Variants in AKAP13 observed in about 807,000 individuals in gnomAD.
AKAP13 encodes A-kinase anchoring protein 13, also known as A-kinase anchor protein 13.
A neutral mutation model predicts 264.5 loss-of-function variants in AKAP13; 80 were observed. The observed-to-expected ratio is 0.30, with a 90% confidence interval of 0.25 to 0.36. The LOEUF is 0.36. AKAP13 is among the 10% of genes least tolerant of loss of function. The pLI is 1.00. For missense variants in AKAP13, 3,712 were observed against 3,435.2 expected, an observed-to-expected ratio of 1.08 and a Z score of -2.01; for synonymous variants, 1,380 against 1,250.2, an observed-to-expected ratio of 1.10 and a Z score of -2.19.
chr15:85,463,243 AG>A (rs1394976617), intron 1 of AKAP13, among the ~76,000 whole-genome samples: 2 of 152,180 alleles, frequency 1.3e-5, no homozygotes, highest in African/African-American at 4.8e-5. Flanking sequence ...TCTAAAAAGA[AG>A]GGAGCATGGG....
At chr15:85,442,422 AAATATAT>A (rs1263911519) in intron 1 of AKAP13, among the ~76,000 whole-genome samples, 1 of 70,006 alleles carries the variant, frequency 1.4e-5, no homozygotes, top group East Asian at 2.2e-4. Flanking sequence ...AAAAAAAAAA[AAATATAT>A]ATATATATAA....
chr15:85,425,987 C>T (rs149574218), intron 1 of AKAP13, among the ~76,000 whole-genome samples: 2,140 of 151,768 alleles, frequency 0.014, 58 homozygotes, highest in African/African-American at 0.049. Context: ...TAAAGTAATG[C>T]CTTTCTAATG....
intron 8 of AKAP13, among the ~76,000 whole-genome samples, chr15:85,622,097 T>G (rs2081218096): frequency 6.6e-6 from 1 of 152,178 alleles, no homozygotes; most frequent in Non-Finnish European, 1.5e-5. Flanking sequence ...CAAAGAAACC[T>G]AAGTACCTAT....
Position 85,684,782 on chromosome 15 carries a change from C to T in AKAP13, c.5198C>T (p.Ser1733Phe). Residue 1733 changes from serine (S) to phenylalanine (F), a missense_variant, in exon 16 of 37, where the codon TCC becomes TTC. Ser to Phe is a radical substitution (Grantham distance 155). Coordinates refer to ENST00000394518, the MANE Select transcript of AKAP13 (RefSeq NM_007200.5). ...TATAATTTCCTGCCACATAGCCCCT[C>T]CAAGAAAGATTCTGAATGGAAGAGT... is the stretch of plus-strand genomic sequence containing the variant. The part of the protein sequence containing the change: ...ENYNFLPHSP[S>F]KKDSEWKSGT... 6.2e-7 allele frequency: 1 copy of T among 1,613,660 alleles called. No homozygotes were observed.
chr15:85,561,846 A>G (rs1197961041), intron 5 of AKAP13, among the ~76,000 whole-genome samples: 1 of 152,234 alleles, frequency 6.6e-6, no homozygotes, highest in Non-Finnish European at 1.5e-5. Flanking sequence ...TTCTGTACCC[A>G]TATCCATAGT....
Position 85,601,247 on chromosome 15 carries a change from A to G in AKAP13, c.4161+15424A>G, listed in dbSNP as rs141273909. Among the ~76,000 whole-genome samples the G allele has an allele frequency of 6.3e-3, 967 of 152,338 alleles. 11 individuals carry two copies. Among genetic ancestry groups the G allele is most frequent in the African/African-American group, 0.022 (906 of 41,558 alleles). On this transcript the variant is annotated intron_variant, in intron 8 of 36. Coordinates refer to ENST00000394518, the MANE Select transcript of AKAP13 (RefSeq NM_007200.5). The stretch of plus-strand genomic sequence containing the variant: ...AATGCAATGAGACTTATTCAGCCAT[A>G]TAGTCCCTTAGGAAGTACCTTTCAG...
intron 2 of AKAP13, among the ~76,000 whole-genome samples, chr15:85,487,943 G>C (rs1258348620): frequency 6.6e-6 from 1 of 151,954 alleles, no homozygotes; most frequent in African/African-American, 2.4e-5. Context: ...TGTCACCCAG[G>C]CTGGAGTGCA....
chr15:85,610,467 C>T (rs1317367441), intron 8 of AKAP13, among the ~76,000 whole-genome samples: 1 of 152,176 alleles, frequency 6.6e-6, no homozygotes, highest in Middle Eastern at 3.2e-3. Flanking sequence ...CAAAAGTATA[C>T]AAAAGGATAG....
At chr15:85,406,136 G>T (rs2071650410) in intron 1 of AKAP13, among the ~76,000 whole-genome samples, 1 of 152,224 alleles carries the variant, frequency 6.6e-6, no homozygotes, top group Admixed American at 6.5e-5. Flanking sequence ...ATAGGTGTAA[G>T]CCACTGAGCC....
At chr15:85,610,441 A>T (rs927355087) in intron 8 of AKAP13, among the ~76,000 whole-genome samples, 98 of 152,308 alleles carry the variant, frequency 6.4e-4, no homozygotes, top group African/African-American at 2.2e-3. Flanking sequence ...CTATGGCAGG[A>T]TCTCTTTGAC....
At chr15:85,532,487 A>G (rs554214434) in intron 3 of AKAP13, among the ~76,000 whole-genome samples, 46 of 152,354 alleles carry the variant, frequency 3.0e-4, no homozygotes, top group Non-Finnish European at 5.7e-4. Flanking sequence ...ATGGGTGCCC[A>G]TGATTAATCA....
chr15:85,539,014 G>A (rs536407245), intron 4 of AKAP13, among the ~76,000 whole-genome samples: 4 of 149,376 alleles, frequency 2.7e-5, no homozygotes, highest in African/African-American at 7.4e-5. Flanking sequence ...GTATTTTTTG[G>A]TAGAGACGGG....
At chr15:85,510,045 C>T (rs1198071487) in intron 2 of AKAP13, among the ~76,000 whole-genome samples, 1 of 152,236 alleles carries the variant, frequency 6.6e-6, no homozygotes, top group Non-Finnish European at 1.5e-5. Context: ...GCGTTTTGCT[C>T]AGGCAGTCAA....
chr15:85,474,499 T>C (rs753986234), intron 1 of AKAP13, among the ~76,000 whole-genome samples: 4 of 152,228 alleles, frequency 2.6e-5, no homozygotes, highest in Non-Finnish European at 5.9e-5. Context: ...AATGACTGTC[T>C]AAGGGATTAC....
intron 18 of AKAP13, among the ~76,000 whole-genome samples, chr15:85,709,659 AATTTT>A (rs56793112): frequency 0.44 from 60,245 of 136,958 alleles, 12,948 homozygotes; most frequent in Non-Finnish European, 0.49. Context: ...TAAAAGGGGG[AATTTT>A]ATTTTATTTT....
intron 8 of AKAP13, among the ~76,000 whole-genome samples, chr15:85,605,101 A>G (rs750502692): frequency 1.3e-4 from 18 of 133,550 alleles, no homozygotes; most frequent in Non-Finnish European, 2.8e-4. Context: ...TAGATAAACT[A>G]TTCCCGACAG....
intron 3 of AKAP13, 97 bp from the exon 4 acceptor site, chr15:85,533,487 T>G: frequency 8.3e-7 from 1 of 1,207,732 alleles, no homozygotes; most frequent in Non-Finnish European, 1.1e-6. Context: ...GGAGGAGAAA[T>G]TTGTATGTCG....
At chr15:85,575,572 G>A (rs961005273) in intron 6 of AKAP13, among the ~76,000 whole-genome samples, 3 of 152,094 alleles carry the variant, frequency 2.0e-5, no homozygotes, top group African/African-American at 7.2e-5. Flanking sequence ...GGCGCCTGTA[G>A]TCCCAGCTAC....
chr15:85,549,173 T>A (rs1037298698), intron 5 of AKAP13, among the ~76,000 whole-genome samples: 1 of 152,236 alleles, frequency 6.6e-6, no homozygotes, highest in Admixed American at 6.5e-5. Flanking sequence ...TTGATGTAGG[T>A]TGGAAATTAT....
Sources: gnomAD v4.1 joint callset for allele counts (sites outside exome capture counted in the v4.1 genomes callset) on GRCh38, gnomAD v4.1.1 for gene constraint, MANE v1.5 for transcripts, NCBI Gene and HGNC (gene_info 2026-07-23, HGNC 2026-07-21) for gene names.